The following MMADHC variants were observed in gnomAD, a reference collection of about 807,000 sequenced individuals.
MMADHC encodes metabolism of cobalamin associated D, also known as cobalamin trafficking protein CblD.
A neutral mutation model predicts 36.3 loss-of-function variants in MMADHC; 23 were observed. The observed-to-expected ratio is 0.63, with a 90% confidence interval of 0.46 to 0.90. The LOEUF (loss-of-function observed/expected upper bound fraction) is 0.90, where lower values mean the gene tolerates loss of function less well. Ranked by LOEUF, MMADHC falls within the 40% of genes least tolerant of loss-of-function variation. The probability of loss-of-function intolerance (pLI) is 0.00; values close to 1 mark genes in which losing one functional copy is unlikely to be tolerated. For missense variants in MMADHC, 330 were observed against 348.0 expected (o/e 0.95, Z 0.41); for synonymous variants, 97 against 116.1 (o/e 0.84, Z 1.06).
intron 2 of MMADHC, among the ~76,000 whole-genome samples, chr2:149,584,525 T>G (rs560988472): frequency 6.6e-6 from 1 of 152,318 alleles, no homozygotes; most frequent in South Asian, 2.1e-4. Context: ...ATTTATTATT[T>G]TAGCCTGTCT....
chr2:149,579,848 C>A (rs1257046382), intron 3 of MMADHC, among the ~76,000 whole-genome samples, 200 bp from the exon 4 acceptor site: 1 of 152,002 alleles, frequency 6.6e-6, no homozygotes, highest in Non-Finnish European at 1.5e-5. Flanking sequence ...CAGGCAAGTC[C>A]GTTATTAGGG....
intron 5 of MMADHC, 110 bp from the exon 6 acceptor site, chr2:149,575,951 T>C: frequency 1.2e-6 from 1 of 852,312 alleles, no homozygotes. Flanking sequence ...TAAGTAAAAT[T>C]ACTGTGGTAT....
intron 3 of MMADHC, 124 bp downstream of exon 3, chr2:149,582,003 T>C: frequency 9.3e-7 from 1 of 1,080,362 alleles, no homozygotes; most frequent in Admixed American, 2.1e-5. Flanking sequence ...CTGTGATTCA[T>C]TTTCAACTGA....
In MMADHC at chr2:149,579,484, A is replaced by C. The variant is rs1320703293; in HGVS notation, c.319T>G (p.Leu107Val). The part of the protein sequence containing the change: ...KTLPDVLAEP[L>V]SSERHEFVMA... ...ACAAACTCATGTCTTTCACTTGATA[A>C]AGGTTCTGCTAGAACATCAGGCAAA... is the stretch of plus-strand genomic sequence containing the variant. The change falls in exon 4 of 8, where the codon TTA (leucine) becomes GTA (valine). Residue 107 changes from leucine to valine, a missense_variant. Transcript: ENST00000303319. 1 of 1,612,744 alleles carries C rather than the reference A, an allele frequency of 6.2e-7. No homozygotes were observed.
intron 6 of MMADHC, among the ~76,000 whole-genome samples, chr2:149,574,198 T>TA (rs995007719): frequency 6.6e-6 from 1 of 152,150 alleles, no homozygotes; most frequent in African/African-American, 2.4e-5. Context: ...TTAGAACCAC[T>TA]AATGCAATAT....
At chr2:149,582,415 G>T in intron 2 of MMADHC, 144 bp from the exon 3 acceptor site, 1 of 631,510 alleles carries the variant, frequency 1.6e-6, no homozygotes. Context: ...CTATATGAAA[G>T]CATTATATAT....
Position 149,575,811 on chromosome 2 carries a change from T to C in MMADHC, c.509A>G (p.Asn170Ser), listed in dbSNP as rs148666214. 11 of 1,603,918 alleles carry C rather than the reference T, an allele frequency of 6.9e-6. 1 individual carries two copies. The African/African-American group carries it at 1.5e-4, about 21-fold the overall frequency. Residue 170 changes from asparagine to serine, a missense_variant, in exon 6 of 8, where the codon AAT (asparagine) becomes AGT (serine). Transcript: ENST00000303319. ...TACAGTCAGAATCATTAGTTTGCCA[T>C]TAGCTACTTCTGGAAACAGTGATTC... is the stretch of plus-strand genomic sequence containing the variant. ...DFESLFPEVA[N>S]GKLMILTVTQ...
intron 2 of MMADHC, among the ~76,000 whole-genome samples, chr2:149,584,980 T>C (rs997372205): frequency 6.6e-6 from 1 of 151,368 alleles, no homozygotes; most frequent in African/African-American, 2.4e-5. Flanking sequence ...GAGCCAGGAT[T>C]TCAGTGAGCA....
chr2:149,571,672 C>T (rs898666040), intron 6 of MMADHC, among the ~76,000 whole-genome samples: 14 of 151,392 alleles, frequency 9.2e-5, no homozygotes, highest in East Asian at 5.8e-4. Flanking sequence ...CCCAGCTACT[C>T]GGGAGGCTGA....
At chr2:149,582,083 G>C in intron 3 of MMADHC, 44 bp downstream of exon 3, 1 of 1,606,340 alleles carries the variant, frequency 6.2e-7, no homozygotes, top group Non-Finnish European at 8.5e-7. Flanking sequence ...AACTAAAAAT[G>C]TTTTGAAACA....
At chr2:149,574,052 A>T (rs1558845989) in intron 6 of MMADHC, among the ~76,000 whole-genome samples, 1 of 152,178 alleles carries the variant, frequency 6.6e-6, no homozygotes, top group Non-Finnish European at 1.5e-5. Context: ...TTTCACAGAA[A>T]ATAAAATAGC....
At position 149,582,194 on chromosome 2, in the gene MMADHC, T is replaced by G. The variant is rs61750442; in HGVS notation, c.87A>C (p.Lys29Asn). ...CSLVKRVVNP[K>N]AFSTAGSSGS... ...CTGATGATCCTGCAGTCGAAAAGGC[T>G]TTGGGATTGACAACCCTTTTAACTA... The change falls in exon 3 of 8, where the codon AAA becomes AAC. Residue 29 changes from lysine to asparagine, a missense_variant. By Grantham distance (94) the Lys-to-Asn change is moderately conservative. Transcript: ENST00000303319. 9.4e-3 allele frequency: 15,179 copies of G among 1,613,984 alleles called. 94 individuals carry two copies. Among genetic ancestry groups the G allele is most frequent in the Non-Finnish European group, 0.011 (12,639 of 1,179,902 alleles).
intron 6 of MMADHC, 49 bp from the exon 7 acceptor site, chr2:149,571,220 T>C (rs1387349132): frequency 8.7e-7 from 1 of 1,146,640 alleles, no homozygotes; most frequent in Non-Finnish European, 1.2e-6. Context: ...TTACTAGAGA[T>C]TGTTTTATTT....
intron 3 of MMADHC, among the ~76,000 whole-genome samples, chr2:149,581,654 G>A (rs932700622): frequency 6.6e-6 from 1 of 152,212 alleles, no homozygotes; most frequent in African/African-American, 2.4e-5. Context: ...TGAAAGCAAT[G>A]AAAGATAACA....
intron 6 of MMADHC, 27 bp downstream of exon 6, chr2:149,575,684 T>A: frequency 6.4e-7 from 1 of 1,554,608 alleles, no homozygotes; most frequent in South Asian, 1.2e-5. Flanking sequence ...ACCATAAAAT[T>A]AAATTATTAG....
intron 1 of MMADHC, 191 bp from the exon 2 acceptor site, chr2:149,587,340 T>C (rs892295167): frequency 3.9e-5 from 23 of 594,320 alleles, no homozygotes; most frequent in Non-Finnish European, 6.9e-5. Context: ...GAGCCGGCAG[T>C]GCAGCTCAGA....
chr2:149,582,862 C>G (rs999955748), intron 2 of MMADHC, among the ~76,000 whole-genome samples: 6 of 151,720 alleles, frequency 4.0e-5, no homozygotes, highest in Non-Finnish European at 8.8e-5. Context: ...AAATATCTTT[C>G]ATTCATAAAT....
intron 3 of MMADHC, 100 bp from the exon 4 acceptor site, chr2:149,579,748 A>G (rs1682769899): frequency 9.7e-7 from 1 of 1,026,904 alleles, no homozygotes; most frequent in Admixed American, 2.6e-5. Context: ...TTTTTATCTA[A>G]AAGATCTTCA....
At chr2:149,580,848 C>G (rs1022107999) in intron 3 of MMADHC, among the ~76,000 whole-genome samples, 2 of 152,164 alleles carry the variant, frequency 1.3e-5, no homozygotes, top group Non-Finnish European at 2.9e-5. Flanking sequence ...TAAGATACAT[C>G]TGGGATCTAG....
Sources: allele counts gnomAD v4.1 joint callset (sites outside exome capture counted in the v4.1 genomes callset), GRCh38; gene constraint gnomAD v4.1.1; transcripts MANE v1.5; gene names NCBI Gene and HGNC (gene_info 2026-07-23, HGNC 2026-07-21).